The following TRDN variants were observed in gnomAD, a reference collection of about 807,000 sequenced individuals.
The protein encoded by TRDN is triadin in skeletal muscle.
Under a neutral mutation model 149.7 loss-of-function variants are expected in TRDN, and 161 were observed. The ratio of observed to expected loss-of-function variants is 1.08; its 90% CI spans 0.95 to 1.23. The LOEUF is 1.23. TRDN is among the 50% of genes most tolerant of loss of function. TRDN has a pLI of 0.00. For missense variants in TRDN, 896 were observed against 823.5 expected, an observed-to-expected ratio of 1.09 and a Z score of -1.08; for synonymous variants, 294 against 250.5, an observed-to-expected ratio of 1.17 and a Z score of -1.64.
chr6:123,232,104 G>T (rs1437030838), intron 38 of TRDN, among the ~76,000 whole-genome samples: 1 of 151,920 alleles, frequency 6.6e-6, no homozygotes, highest in South Asian at 2.1e-4. Flanking sequence ...AAACTGGATG[G>T]CCCCACTGAG....
rs57419103 is a variant in TRDN, at chr6:123,283,985, CAT to C, written c.1511-4905_1511-4904del. On this transcript the variant is annotated intron_variant, in intron 24 of 40. Transcript: ENST00000334268. ...ATAGGTGCAGCACACCAACATGGCA[CAT>C]ATATATATATATATATGTAACAAAC... Among the ~76,000 whole-genome samples the C allele has an allele frequency of 6.6e-4, 38 of 57,174 alleles. 7 individuals are homozygous for C. Among genetic ancestry groups the C allele is most frequent in the African/African-American group, 2.3e-3 (25 of 10,644 alleles). The allele number at this position is 57,174 out of a possible 152,430, so 37.5% of individuals were successfully genotyped here.
chr6:123,519,078 A>G (rs575189349), intron 5 of TRDN, among the ~76,000 whole-genome samples: 22 of 152,324 alleles, frequency 1.4e-4, no homozygotes, highest in Admixed American at 6.5e-4. Context: ...GGCAAGTTAT[A>G]TCTTAGCCAG....
chr6:123,264,946 G>A (rs1008217026), intron 33 of TRDN, among the ~76,000 whole-genome samples: 2 of 151,934 alleles, frequency 1.3e-5, no homozygotes, highest in Non-Finnish European at 2.9e-5. Context: ...TATGTGCACT[G>A]GGAAAACAAA....
At chr6:123,475,862 G>T (rs78097264) in intron 9 of TRDN, among the ~76,000 whole-genome samples, 6,008 of 152,044 alleles carry the variant, frequency 0.04, 350 homozygotes, top group African/African-American at 0.12. Flanking sequence ...TCAGCAACCC[G>T]TCATGCTAAA....
intron 10 of TRDN, among the ~76,000 whole-genome samples, chr6:123,447,469 G>A (rs1043308008): frequency 1.3e-5 from 2 of 152,124 alleles, no homozygotes; most frequent in African/African-American, 4.8e-5. Flanking sequence ...GGAGTGGAAA[G>A]CTACTCCTGG....
intron 4 of TRDN, among the ~76,000 whole-genome samples, chr6:123,546,323 G>T (rs889252490): frequency 6.6e-6 from 1 of 151,898 alleles, no homozygotes; most frequent in Admixed American, 6.6e-5. Flanking sequence ...GCTCTTTTTT[G>T]CTGTGTAAGT....
intron 9 of TRDN, among the ~76,000 whole-genome samples, chr6:123,467,779 A>G (rs912824626): frequency 2.0e-5 from 3 of 152,110 alleles, no homozygotes; most frequent in Admixed American, 2.0e-4. Flanking sequence ...ACATTATATA[A>G]CATATATAAT....
intron 1 of TRDN, among the ~76,000 whole-genome samples, chr6:123,605,837 C>T (rs935569667): frequency 1.3e-5 from 2 of 151,992 alleles, no homozygotes; most frequent in Non-Finnish European, 2.9e-5. Flanking sequence ...AATTTATAAC[C>T]ATAGTTTAAT....
At chr6:123,291,142 G>A (rs1340062550) in intron 24 of TRDN, among the ~76,000 whole-genome samples, 1 of 152,108 alleles carries the variant, frequency 6.6e-6, no homozygotes, top group African/African-American at 2.4e-5. Context: ...GGGTGGTGGA[G>A]TGAGACTCTG....
At chr6:123,390,652 A>T (rs1311159305) in intron 13 of TRDN, among the ~76,000 whole-genome samples, 1 of 152,086 alleles carries the variant, frequency 6.6e-6, no homozygotes, top group African/African-American at 2.4e-5. Flanking sequence ...CTCGGGATTC[A>T]ATTGTTTCTA....
At chr6:123,319,521 G>A (rs1234131415) in intron 23 of TRDN, among the ~76,000 whole-genome samples, 1 of 152,048 alleles carries the variant, frequency 6.6e-6, no homozygotes, top group Non-Finnish European at 1.5e-5. Flanking sequence ...TTAATGAAAA[G>A]TTATAATGAG....
chr6:123,474,642 A>G (rs1341263212), intron 9 of TRDN, among the ~76,000 whole-genome samples: 1 of 152,044 alleles, frequency 6.6e-6, no homozygotes, highest in African/African-American at 2.4e-5. Flanking sequence ...GCACCACACC[A>G]CACCTATTCC....
At chr6:123,583,490 G>C (rs560473407) in intron 1 of TRDN, among the ~76,000 whole-genome samples, 3 of 151,764 alleles carry the variant, frequency 2.0e-5, no homozygotes, top group Non-Finnish European at 2.9e-5. Context: ...AGCTTGGTGA[G>C]GTGTGTTTTT....
At chr6:123,318,873 T>C (rs1008080469) in intron 23 of TRDN, among the ~76,000 whole-genome samples, 1 of 152,060 alleles carries the variant, frequency 6.6e-6, no homozygotes, top group African/African-American at 2.4e-5. Context: ...AGCACTCCTA[T>C]GAAAAGGTAT....
intron 1 of TRDN, among the ~76,000 whole-genome samples, chr6:123,625,344 A>C (rs1484724730): frequency 6.6e-6 from 1 of 152,120 alleles, no homozygotes; most frequent in Non-Finnish European, 1.5e-5. Flanking sequence ...AAGAAAGCAA[A>C]TCACACATTT....
chr6:123,546,576 G>A (rs1583221553), intron 4 of TRDN, among the ~76,000 whole-genome samples: 1 of 152,102 alleles, frequency 6.6e-6, no homozygotes, highest in Non-Finnish European at 1.5e-5. Flanking sequence ...TGGCTTGAAT[G>A]TTGGCTGTTT....
At chr6:123,543,556 G>A (rs1416873575) in intron 4 of TRDN, among the ~76,000 whole-genome samples, 3 of 152,038 alleles carry the variant, frequency 2.0e-5, no homozygotes, top group African/African-American at 4.8e-5. Context: ...AAAGCAAAAT[G>A]TTTATTTTCT....
At chr6:123,431,643 G>T (rs1160443103) in intron 12 of TRDN, among the ~76,000 whole-genome samples, 1 of 152,082 alleles carries the variant, frequency 6.6e-6, no homozygotes, top group African/African-American at 2.4e-5. Flanking sequence ...ATGGAAGGAT[G>T]TTCTTTTAAA....
chr6:123,302,575 G>T (rs537749069), intron 24 of TRDN, among the ~76,000 whole-genome samples: 1 of 152,106 alleles, frequency 6.6e-6, no homozygotes, highest in East Asian at 1.9e-4. Flanking sequence ...ACAGTAACTT[G>T]GTGCATAGTC....
Sources: allele counts gnomAD v4.1 joint callset (sites outside exome capture counted in the v4.1 genomes callset), GRCh38; gene constraint gnomAD v4.1.1; transcripts MANE v1.5; gene names NCBI Gene and HGNC (gene_info 2026-07-23, HGNC 2026-07-21).